The following PAIP2 variants were observed in gnomAD, a reference collection of about 807,000 sequenced individuals.
PAIP2 encodes polyadenylate-binding protein-interacting protein 2.
PAIP2 carries 7 observed loss-of-function variants against 14.8 expected under a neutral mutation model. The observed-to-expected ratio is 0.47, with a 90% CI of 0.27 to 0.89. The LOEUF (loss-of-function observed/expected upper bound fraction) is 0.89. PAIP2 is among the 40% of genes least tolerant of loss of function. PAIP2 has a pLI of 0.13. For synonymous variants in PAIP2, 47 were observed against 45.3 expected, an observed-to-expected ratio of 1.04 and a Z score of -0.15; for missense variants, 122 against 154.7, an observed-to-expected ratio of 0.79 and a Z score of 1.12.
chr5:139,343,708 GTTTT>G (rs61419083), intron 1 of PAIP2, among the ~76,000 whole-genome samples: 4 of 130,946 alleles, frequency 3.1e-5, no homozygotes, highest in African/African-American at 8.7e-5. Context: ...GGCAGAGCAA[GTTTT>G]TTTTTTTTTT....
intron 1 of PAIP2, chr5:139,343,286 G>A (rs887166866): frequency 2.0e-5 from 3 of 152,166 alleles, no homozygotes; most frequent in African/African-American, 7.2e-5. Context: ...TCACAGGATA[G>A]GTAACTTGAC....
chr5:139,354,384 T>C (rs751462677), intron 1 of PAIP2, among the ~76,000 whole-genome samples: 4 of 152,222 alleles, frequency 2.6e-5, no homozygotes, highest in Non-Finnish European at 5.9e-5. Flanking sequence ...AATCAGCTGT[T>C]AATCTTATTG....
At chr5:139,356,617 C>G (rs775647382) in intron 1 of PAIP2, among the ~76,000 whole-genome samples, 4 of 151,980 alleles carry the variant, frequency 2.6e-5, no homozygotes, top group Admixed American at 6.6e-5. Flanking sequence ...CGGTGACTTA[C>G]GCCTGTAATC....
intron 3 of PAIP2, among the ~76,000 whole-genome samples, chr5:139,365,337 T>TA (rs1561964760): frequency 6.6e-6 from 1 of 150,934 alleles, no homozygotes; most frequent in Non-Finnish European, 1.5e-5. Context: ...ATTACAAAAA[T>TA]TAGCTGGGTG....
chr5:139,363,524 C>T (rs549903175), intron 1 of PAIP2, among the ~76,000 whole-genome samples: 2 of 152,040 alleles, frequency 1.3e-5, no homozygotes, highest in African/African-American at 4.8e-5. Context: ...AATTTGAGAC[C>T]AGCTTGGGTA....
chr5:139,353,384 G>C (rs1329477900), intron 1 of PAIP2, among the ~76,000 whole-genome samples: 1 of 152,080 alleles, frequency 6.6e-6, no homozygotes, highest in Non-Finnish European at 1.5e-5. Context: ...TGACTCTTAG[G>C]ATGTTAAAGA....
chr5:139,357,790 G>A (rs1382803629), intron 1 of PAIP2, among the ~76,000 whole-genome samples: 1 of 152,008 alleles, frequency 6.6e-6, no homozygotes, highest in East Asian at 1.9e-4. Context: ...GAGATTACGC[G>A]ACTACACTCC....
At chr5:139,356,980 G>A (rs773756675) in intron 1 of PAIP2, among the ~76,000 whole-genome samples, 2 of 151,904 alleles carry the variant, frequency 1.3e-5, no homozygotes, top group Non-Finnish European at 2.9e-5. Context: ...ACTTATTGTA[G>A]TTGTCATTTT....
rs1356039154 is a variant in PAIP2, at chr5:139,341,894, A to C, written c.-113A>C. The stretch of plus-strand genomic sequence containing the variant: ...AGAAGGGAGGCGGCGGGCGAAGCGC[A>C]CGTCGAGCGGGGGAGCGGCGCTGCC... On this transcript the variant is annotated 5_prime_UTR_variant, in exon 1 of 4. Transcript: ENST00000265192. 6.5e-6 allele frequency: 1 copy of C among 152,900 alleles called. No homozygotes were observed. The highest frequency in any genetic ancestry group is 1.5e-5 in the Non-Finnish European group (1 of 68,248). 9.5% of individuals were successfully genotyped at this position (152,900 alleles called of 1,614,324 possible).
chr5:139,358,522 T>C (rs761270863), intron 1 of PAIP2, among the ~76,000 whole-genome samples: 15 of 152,192 alleles, frequency 9.9e-5, no homozygotes, highest in Admixed American at 2.6e-4. Flanking sequence ...ATTGGGTATA[T>C]ATTCAAGAGA....
At chr5:139,368,698 T>A in intron 3 of PAIP2, 35 bp from the exon 4 acceptor site, 13 of 1,473,106 alleles carry the variant, frequency 8.8e-6, no homozygotes, top group Non-Finnish European at 1.2e-5. Context: ...GAAACTGTGT[T>A]AATGAACTTG....
intron 1 of PAIP2, among the ~76,000 whole-genome samples, chr5:139,359,779 G>A (rs1256110847): frequency 6.6e-6 from 1 of 151,310 alleles, no homozygotes; most frequent in African/African-American, 2.4e-5. Context: ...AGGCCAGCCG[G>A]GCCAACGTGG....
At chr5:139,346,416 A>AT (rs753597435) in intron 1 of PAIP2, among the ~76,000 whole-genome samples, 7 of 151,210 alleles carry the variant, frequency 4.6e-5, no homozygotes, top group African/African-American at 9.7e-5. Context: ...TAATGTTTGT[A>AT]TTTTTAGAGA....
intron 1 of PAIP2, among the ~76,000 whole-genome samples, chr5:139,350,500 A>G (rs1298519501): frequency 2.0e-5 from 3 of 150,944 alleles, no homozygotes; most frequent in African/African-American, 7.3e-5. Flanking sequence ...TCATGGTGGC[A>G]TGCGCCTGTA....
At chr5:139,364,810 C>G in intron 3 of PAIP2, 67 bp downstream of exon 3, 1 of 1,054,108 alleles carries the variant, frequency 9.5e-7, no homozygotes, top group Non-Finnish European at 1.4e-6. Context: ...AAGCCAGCTC[C>G]CATCTATTTA....
chr5:139,360,289 GTTA>G (rs1233236547), intron 1 of PAIP2, among the ~76,000 whole-genome samples: 1 of 151,782 alleles, frequency 6.6e-6, no homozygotes, highest in Non-Finnish European at 1.5e-5. Context: ...AGAGGAACTG[GTTA>G]TTATTTAGTC....
intron 1 of PAIP2, among the ~76,000 whole-genome samples, chr5:139,354,610 CCTTTT>C (rs1011897247): frequency 4.6e-5 from 7 of 152,078 alleles, no homozygotes; most frequent in Non-Finnish European, 5.9e-5. Flanking sequence ...GAACTATTCT[CCTTTT>C]CTTCTGGTAA....
chr5:139,362,214 TTTGTTGTTG>T (rs138469979), intron 1 of PAIP2, among the ~76,000 whole-genome samples: 1,892 of 151,796 alleles, frequency 0.012, 26 homozygotes, highest in South Asian at 0.063. Context: ...GTGTTTGGTT[TTTGTTGTTG>T]TTGTTGTTGT....
intron 1 of PAIP2, among the ~76,000 whole-genome samples, chr5:139,350,548 T>A (rs1756696077): frequency 6.6e-6 from 1 of 151,742 alleles, no homozygotes; most frequent in Non-Finnish European, 1.5e-5. Flanking sequence ...GGAAAAGCAC[T>A]TAAACTCAGG....
Sources: gnomAD v4.1 joint callset for allele counts (sites outside exome capture counted in the v4.1 genomes callset) on GRCh38, gnomAD v4.1.1 for gene constraint, MANE v1.5 for transcripts, NCBI Gene and HGNC (gene_info 2026-07-23, HGNC 2026-07-21) for gene names.